Variants in PABPC4L observed in about 807,000 individuals in gnomAD.
PABPC4L encodes the protein poly(A) binding protein cytoplasmic 4 like, also known as polyadenylate-binding protein 4-like.
For synonymous variants in PABPC4L, 169 were observed against 164.1 expected, an observed-to-expected ratio of 1.03 and a Z score of -0.23; for missense variants, 452 against 451.4, an observed-to-expected ratio of 1.00 and a Z score of -0.01.
the PABPC4L span, among the ~76,000 whole-genome samples, chr4:133,974,676 A>G: frequency 6.6e-6 from 1 of 152,118 alleles, no homozygotes; most frequent in Admixed American, 6.6e-5. Flanking sequence ...CTGAACAACA[A>G]AAAGTCACAT....
the PABPC4L span, among the ~76,000 whole-genome samples, chr4:134,064,144 A>T: frequency 3.9e-5 from 6 of 152,038 alleles, no homozygotes; most frequent in Non-Finnish European, 7.4e-5. Flanking sequence ...TGTGTAATAC[A>T]AATTTGGGGA....
At chr4:134,007,015 A>C in the PABPC4L span, among the ~76,000 whole-genome samples, 1 of 152,032 alleles carries the variant, frequency 6.6e-6, no homozygotes, top group Admixed American at 6.6e-5. Context: ...TGTTTGGATT[A>C]ACCAAATGCT....
the PABPC4L span, among the ~76,000 whole-genome samples, chr4:133,960,200 A>G: frequency 6.6e-6 from 1 of 152,164 alleles, no homozygotes; most frequent in African/African-American, 2.4e-5. Context: ...CTCTGAAGGA[A>G]GCAGACTGCT....
chr4:134,196,561 A>T lies in PABPC4L; in HGVS notation c.*3346T>A, dbSNP rs1420642678. 1 of 151,768 alleles carries T rather than the reference A, an allele frequency of 6.6e-6. No homozygotes were observed. Among genetic ancestry groups the T allele is most frequent in the Non-Finnish European group, 1.5e-5 (1 of 67,704 alleles). The allele number at this position is 151,768 out of a possible 1,614,324, so 9.4% of individuals were successfully genotyped here. ...CAGACGTGGCAATATGTGTGGAGAG[A>T]AGGGTGAAAGTAGAAACAGTGGCTC... On this transcript the variant is annotated 3_prime_UTR_variant, in exon 2 of 2. Coordinates refer to ENST00000421491, the MANE Select transcript of PABPC4L (RefSeq NM_001114734.2).
At chr4:133,971,885 A>G in the PABPC4L span, among the ~76,000 whole-genome samples, 1 of 152,160 alleles carries the variant, frequency 6.6e-6, no homozygotes, top group Non-Finnish European at 1.5e-5. Flanking sequence ...TGACTTTTAA[A>G]CTGGGTAAAA....
the PABPC4L span, among the ~76,000 whole-genome samples, chr4:134,055,633 T>G: frequency 6.6e-6 from 1 of 151,236 alleles, no homozygotes; most frequent in South Asian, 2.1e-4. Context: ...CCCCGTGGTT[T>G]TTTTTTTTTT....
chr4:133,980,131 C>T, the PABPC4L span, among the ~76,000 whole-genome samples: 1 of 152,060 alleles, frequency 6.6e-6, no homozygotes, highest in African/African-American at 2.4e-5. Flanking sequence ...TATAATTTGG[C>T]TTTCCATTCT....
At chr4:133,986,799 G>A in the PABPC4L span, among the ~76,000 whole-genome samples, 15 of 151,114 alleles carry the variant, frequency 9.9e-5, no homozygotes, top group African/African-American at 2.4e-4. Flanking sequence ...GCAGTGGCAC[G>A]ATCTCAGCTC....
chr4:134,119,419 T>C, the PABPC4L span, among the ~76,000 whole-genome samples: 2 of 151,802 alleles, frequency 1.3e-5, no homozygotes, highest in Non-Finnish European at 2.9e-5. Flanking sequence ...TCTGATTATT[T>C]CATTTTTTTC....
chr4:133,968,202 T>A, the PABPC4L span, among the ~76,000 whole-genome samples: 2,233 of 152,266 alleles, frequency 0.015, 57 homozygotes, highest in African/African-American at 0.051. Flanking sequence ...AGGTTTAGGA[T>A]TCCAAATTCA....
At chr4:134,144,613 A>G in the PABPC4L span, among the ~76,000 whole-genome samples, 1 of 149,814 alleles carries the variant, frequency 6.7e-6, no homozygotes, top group East Asian at 2.0e-4. Context: ...GTCTTTTTAT[A>G]TGAAAGAAAT....
At chr4:134,071,294 C>T in the PABPC4L span, among the ~76,000 whole-genome samples, 1 of 151,958 alleles carries the variant, frequency 6.6e-6, no homozygotes, top group Admixed American at 6.6e-5. Flanking sequence ...CTCTCAGTGC[C>T]TTCCTCTGAA....
the PABPC4L span, among the ~76,000 whole-genome samples, chr4:134,159,460 A>G: frequency 4.7e-4 from 72 of 152,206 alleles, no homozygotes; most frequent in African/African-American, 1.7e-3. Flanking sequence ...AAGCCCAGAC[A>G]GCACAGCACA....
chr4:134,012,518 G>A, the PABPC4L span, among the ~76,000 whole-genome samples: 210 of 152,076 alleles, frequency 1.4e-3, 1 homozygote, highest in African/African-American at 4.3e-3. Flanking sequence ...ATCTCCCTTC[G>A]CTGACTCTCT....
chr4:134,072,084 A>G, the PABPC4L span, among the ~76,000 whole-genome samples: 3 of 152,068 alleles, frequency 2.0e-5, no homozygotes, highest in South Asian at 6.2e-4. Flanking sequence ...TTAGGATGTC[A>G]TTTCTCTCTG....
At chr4:134,054,858 T>C in the PABPC4L span, among the ~76,000 whole-genome samples, 4 of 152,074 alleles carry the variant, frequency 2.6e-5, no homozygotes, top group African/African-American at 9.7e-5. Context: ...TGTGTGAACA[T>C]ACAATTTCAT....
the PABPC4L span, among the ~76,000 whole-genome samples, chr4:134,147,744 TGTGTG>T: frequency 2.4e-5 from 2 of 81,916 alleles, no homozygotes; most frequent in Admixed American, 3.1e-4. Flanking sequence ...TGTGTGTGTG[TGTGTG>T]TGTTGTTGTT....
At chr4:133,967,624 AG>A in the PABPC4L span, among the ~76,000 whole-genome samples, 2 of 152,234 alleles carry the variant, frequency 1.3e-5, no homozygotes, top group African/African-American at 4.8e-5. Flanking sequence ...CTAGAGGATC[AG>A]GAAAATGTTT....
At chr4:134,100,211 G>T in the PABPC4L span, among the ~76,000 whole-genome samples, 4 of 151,614 alleles carry the variant, frequency 2.6e-5, no homozygotes, top group South Asian at 8.3e-4. Flanking sequence ...TGATTTAAGA[G>T]CATCGAACAA....
Sources: gnomAD v4.1 joint callset for allele counts (sites outside exome capture counted in the v4.1 genomes callset) on GRCh38, gnomAD v4.1.1 for gene constraint, MANE v1.5 for transcripts, NCBI Gene and HGNC (gene_info 2026-07-23, HGNC 2026-07-21) for gene names.